Variants in GPR161 observed in about 807,000 individuals in gnomAD.
GPR161 encodes G-protein coupled receptor RE2.
A neutral mutation model predicts 39.2 loss-of-function variants in GPR161; 25 were observed. That is an observed-to-expected ratio of 0.64 (90% CI 0.47 to 0.89). The LOEUF is 0.89. Ranked by LOEUF, GPR161 falls within the 40% of genes least tolerant of loss-of-function variation. The probability of loss-of-function intolerance (pLI) is 0.00; values close to 1 mark genes in which losing one functional copy is unlikely to be tolerated. For missense variants in GPR161, 547 were observed against 677.8 expected (o/e 0.81, Z 2.14); for synonymous variants, 286 against 276.6 (o/e 1.03, Z -0.34).
At chr1:168,136,162 C>A (rs1309851898) in intron 1 of GPR161, 2 of 1,268,418 alleles carry the variant, frequency 1.6e-6, no homozygotes, top group Non-Finnish European at 2.0e-6. Context: ...GCCGCCCATC[C>A]GGCGGCGCCG....
intron 4 of GPR161, 21 bp from the exon 5 acceptor site, chr1:168,087,725 T>C (rs1694678699): frequency 6.3e-7 from 1 of 1,595,434 alleles, no homozygotes; most frequent in Non-Finnish European, 8.6e-7. Context: ...GGGCAGATTG[T>C]GCATATGTAA....
At position 168,122,706 on chromosome 1, in the gene GPR161, G is replaced by A. The variant is rs191999732; in HGVS notation, c.-45+14033C>T. Among the ~76,000 whole-genome samples the A allele has an allele frequency of 1.0e-3, 157 of 152,212 alleles. 1 individual carries two copies. Among genetic ancestry groups the A allele is most frequent in the South Asian group, 2.1e-3 (10 of 4,818 alleles). On this transcript the variant is annotated intron_variant, in intron 1 of 5. Transcript: ENST00000682931. The stretch of plus-strand genomic sequence containing the variant: ...TCAGGGGCTTTGCACTTGCTGTTTC[G>A]TATGCCCAGAATGCCCTTTCCCTTA...
At chr1:168,121,659 C>T (rs1479847813) in intron 1 of GPR161, among the ~76,000 whole-genome samples, 27 of 152,184 alleles carry the variant, frequency 1.8e-4, no homozygotes, top group Non-Finnish European at 2.9e-5. Context: ...TGGGGGTCCA[C>T]ACAGCTTTCT....
chr1:168,103,465 G>T (rs984279898), intron 2 of GPR161, among the ~76,000 whole-genome samples: 2 of 150,278 alleles, frequency 1.3e-5, no homozygotes, highest in Non-Finnish European at 3.0e-5. Context: ...GATTTGTTTT[G>T]AGCAATGGCT....
chr1:168,086,993 G>A (rs1470631354), intron 5 of GPR161, among the ~76,000 whole-genome samples: 1 of 152,174 alleles, frequency 6.6e-6, no homozygotes, highest in East Asian at 1.9e-4. Flanking sequence ...ATTGGTATCT[G>A]GATGGCTCTT....
rs1406105400 is a variant in GPR161 at position 168,098,186 on chromosome 1, G to A, written c.375-954C>T. Among the ~76,000 whole-genome samples the A allele has an allele frequency of 6.6e-6, 1 of 152,220 alleles. No individual in the cohort carries two copies. The highest frequency in any genetic ancestry group is 1.9e-4 in the East Asian group (1 of 5,186). On this transcript the variant is annotated intron_variant, in intron 2 of 5. Transcript: ENST00000682931. This position sits in a 1 kb window ranked among gnomAD's most constrained non-coding sequence, Gnocchi z 4.1. The stretch of plus-strand genomic sequence containing the variant: ...CAGAAAGCTAGCCTGGCGAGGTATG[G>A]AGTTGTGAGTGAGCACCAGCTCAGC...
intron 1 of GPR161, among the ~76,000 whole-genome samples, chr1:168,105,515 T>G (rs3820401): frequency 1.3e-5 from 2 of 152,036 alleles, no homozygotes; most frequent in African/African-American, 4.8e-5. Context: ...ACAATTTGAC[T>G]GTAAGATTCT....
chr1:168,136,697 C>T, intron 1 of GPR161, 42 bp downstream of exon 1: 1 of 1,080,018 alleles, frequency 9.3e-7, no homozygotes, highest in Non-Finnish European at 1.1e-6. Flanking sequence ...GGACCGCCCT[C>T]TCCGCCCGGG....
intron 1 of GPR161, among the ~76,000 whole-genome samples, chr1:168,113,786 G>C (rs567389764): frequency 6.6e-6 from 1 of 152,258 alleles, no homozygotes; most frequent in East Asian, 1.9e-4. Flanking sequence ...TAAATGATGA[G>C]AACACAAAGA....
At chr1:168,105,461 A>C (rs1407348967) in intron 1 of GPR161, among the ~76,000 whole-genome samples, 11 of 152,174 alleles carry the variant, frequency 7.2e-5, no homozygotes, top group Non-Finnish European at 2.9e-5. Flanking sequence ...TCACGGAATC[A>C]AATCTGCATT....
At chr1:168,087,882 G>C (rs1222254830) in intron 4 of GPR161, 178 bp from the exon 5 acceptor site, 7 of 582,942 alleles carry the variant, frequency 1.2e-5, no homozygotes, top group Non-Finnish European at 2.0e-5. Context: ...CCTGTTTCAG[G>C]GAGTTTGCAG....
intron 3 of GPR161, among the ~76,000 whole-genome samples, chr1:168,091,083 G>A (rs275150): frequency 0.049 from 7,510 of 152,294 alleles, 592 homozygotes; most frequent in African/African-American, 0.17. Flanking sequence ...ACACCCCAAA[G>A]GAAGGAGAGA....
rs1476316749 is a variant in GPR161, at chr1:168,082,674, GTTGT to G, written c.*2853_*2856del. The G allele has an allele frequency of 6.6e-6, 1 of 152,236 alleles. No individual in the cohort carries two copies. The highest frequency in any genetic ancestry group is 1.5e-5 in the Non-Finnish European group (1 of 68,062). The allele number at this position is 152,236 out of a possible 1,614,324, so 9.4% of individuals were successfully genotyped here. Reference sequence around the variant, plus strand: ...TCAAAACCAGAAGACACAGGACTGAGTTGTTTAAGCTAACGAGTAGCCAAATGTC... The same window carrying G: ...TCAAAACCAGAAGACACAGGACTGAGTTAAGCTAACGAGTAGCCAAATGTC... On this transcript the variant is annotated 3_prime_UTR_variant, in exon 6 of 6. Coordinates refer to ENST00000682931, the MANE Select transcript of GPR161 (RefSeq NM_001375883.1).
Position 168,087,679 on chromosome 1 carries a change from G to A in GPR161, c.1230C>T (p.Asp410=), listed in dbSNP as rs1388430399. The A allele has an allele frequency of 5.0e-6, 8 of 1,613,652 alleles. No individual in the cohort carries two copies. The highest frequency in any genetic ancestry group is 8.5e-7 in the Non-Finnish European group (1 of 1,179,816). The stretch of plus-strand genomic sequence containing the variant: ...AGGGAGGGTTGTCATCAGACGTGTA[G>A]TCCTCAAGCAGCATCATATCTGTCC... ...DSGTDMMLLE[D]YTSDDNPPSH... The change falls in exon 5 of 6, where the codon GAC becomes GAT. Residue 410 remains aspartate, a synonymous_variant. Transcript: ENST00000682931.
At chr1:168,121,152 C>T (rs1411173716) in intron 1 of GPR161, among the ~76,000 whole-genome samples, 1 of 152,124 alleles carries the variant, frequency 6.6e-6, no homozygotes, top group Non-Finnish European at 1.5e-5. Flanking sequence ...CCTACTGTAG[C>T]AGATGAGGAA....
chr1:168,087,551 T>C (rs1331132314), intron 5 of GPR161, 34 bp downstream of exon 5: 4 of 1,612,520 alleles, frequency 2.5e-6, no homozygotes, highest in Non-Finnish European at 1.7e-6. Context: ...CGTTTCCCTA[T>C]GTTTTCTTGA....
intron 1 of GPR161, among the ~76,000 whole-genome samples, chr1:168,123,039 G>C (rs183809170): frequency 6.6e-6 from 1 of 152,310 alleles, no homozygotes; most frequent in East Asian, 1.9e-4. Context: ...GGCATTTCTT[G>C]TTTACTCTGC....
intron 1 of GPR161, among the ~76,000 whole-genome samples, chr1:168,119,162 T>G (rs1028010064): frequency 6.9e-6 from 1 of 145,298 alleles, no homozygotes; most frequent in African/African-American, 2.6e-5. Context: ...TTATTCACCA[T>G]AGCTAAAATG....
chr1:168,107,640 A>C lies in GPR161; in HGVS notation c.-44-2746T>G, dbSNP rs1330950332. On this transcript the variant is annotated intron_variant, in intron 1 of 5. Coordinates refer to ENST00000682931, the MANE Select transcript of GPR161 (RefSeq NM_001375883.1). ...TTTTCTTTACAAATTACCCAGTTTC[A>C]GGTATTTTGTTATAAGCAACAAAAA... Among the ~76,000 whole-genome samples the C allele has an allele frequency of 3.9e-5, 6 of 152,366 alleles. No individual in the cohort carries two copies. In the East Asian group the frequency reaches 1.2e-3, roughly 29 times the overall value.
Sources: gnomAD v4.1 joint callset for allele counts (sites outside exome capture counted in the v4.1 genomes callset) on GRCh38, gnomAD v4.1.1 for gene constraint, Gnocchi (gnomAD v3.1) non-coding constraint, MANE v1.5 for transcripts, NCBI Gene and HGNC (gene_info 2026-07-23, HGNC 2026-07-21) for gene names.